Variants in KIRREL3 observed in about 807,000 individuals in gnomAD.
KIRREL3 encodes the protein kirre like nephrin family adhesion molecule 3, also known as kin of IRRE-like protein 3.
KIRREL3 carries 36 observed loss-of-function variants against 89.7 expected under a neutral mutation model. The ratio of observed to expected loss-of-function variants is 0.40; its 90% CI spans 0.31 to 0.53. KIRREL3 has a LOEUF of 0.53. Ranked by LOEUF, KIRREL3 falls within the 20% of genes least tolerant of loss-of-function variation. The pLI, the probability that KIRREL3 is intolerant of heterozygous loss-of-function variation, is 0.49. For missense variants in KIRREL3, 864 were observed against 1,056.6 expected, an observed-to-expected ratio of 0.82 and a Z score of 2.53; for synonymous variants, 445 against 441.4, an observed-to-expected ratio of 1.01 and a Z score of -0.10.
At chr11:126,573,511 T>A (rs1941086858) in intron 1 of KIRREL3, among the ~76,000 whole-genome samples, 2 of 145,554 alleles carry the variant, frequency 1.4e-5, no homozygotes, top group Admixed American at 6.8e-5. Context: ...GCGGTGGGGT[T>A]AGGAGAGGAC....
rs912547769 is a variant in KIRREL3 at position 126,906,881 on chromosome 11, C to T, written c.55+93574G>A. ...GAAGTCAGAGTGGCTTGGCTGAGCCCTACATTTTCTTTTTCTGTGTAATTC... is the reference window on the plus strand; with the variant it reads ...GAAGTCAGAGTGGCTTGGCTGAGCCTTACATTTTCTTTTTCTGTGTAATTC... On this transcript the variant is annotated intron_variant, in intron 1 of 16. Transcript: ENST00000525144. This position sits in a 1 kb window ranked among gnomAD's most constrained non-coding sequence, Gnocchi z 4.1. 3.3e-5 allele frequency among the ~76,000 whole-genome samples: 5 copies of T among 152,172 alleles called. No homozygotes were observed. Among genetic ancestry groups the T allele is most frequent in the African/African-American group, 1.2e-4 (5 of 41,418 alleles).
rs1949824859 is a variant in KIRREL3, at chr11:126,766,380, G to A, written c.56-203468C>T. Reference sequence around the variant, plus strand: ...CTCCTACGCGGAGAAGAAAAAACTTGGGGAGAGAGGGGTAGAGTTAGAATC... The same window carrying A: ...CTCCTACGCGGAGAAGAAAAAACTTAGGGAGAGAGGGGTAGAGTTAGAATC... On this transcript the variant is annotated intron_variant, in intron 1 of 16. Coordinates refer to ENST00000525144, the MANE Select transcript of KIRREL3 (RefSeq NM_032531.4). This position sits in a 1 kb window ranked among gnomAD's most constrained non-coding sequence, Gnocchi z 4.2. 6.6e-6 allele frequency among the ~76,000 whole-genome samples: 1 copy of A among 152,060 alleles called. No individual in the cohort carries two copies. Among genetic ancestry groups the A allele is most frequent in the Non-Finnish European group, 1.5e-5 (1 of 68,016 alleles).
intron 1 of KIRREL3, among the ~76,000 whole-genome samples, chr11:126,952,394 A>AG (rs1948798715): frequency 6.6e-6 from 1 of 152,104 alleles, no homozygotes; most frequent in Admixed American, 6.5e-5. Context: ...AAAAAAAAAA[A>AG]GAATATTCAT....
intron 1 of KIRREL3, chr11:126,934,894 A>C (rs1455925893): frequency 6.6e-6 from 1 of 152,202 alleles, no homozygotes; most frequent in Non-Finnish European, 1.5e-5. Flanking sequence ...CCCTGTGTCT[A>C]CTAAAAATAC....
chr11:126,480,525 G>T (rs1238900878), intron 4 of KIRREL3, among the ~76,000 whole-genome samples: 1 of 152,180 alleles, frequency 6.6e-6, no homozygotes, highest in African/African-American at 2.4e-5. Context: ...GGTGAAGTTG[G>T]AATTTAGACT....
rs1214160701 is a variant in KIRREL3, at chr11:126,976,231, G to A, written c.55+24224C>T. 6.6e-6 allele frequency among the ~76,000 whole-genome samples: 1 copy of A among 152,064 alleles called. No individual in the cohort carries two copies. Among genetic ancestry groups the A allele is most frequent in the African/African-American group, 2.4e-5 (1 of 41,400 alleles). On this transcript the variant is annotated intron_variant, in intron 1 of 16. Coordinates refer to ENST00000525144, the MANE Select transcript of KIRREL3 (RefSeq NM_032531.4). The surrounding 1 kb of genome is among the most constrained non-coding windows in gnomAD (Gnocchi z 4.2). ...CAATATACCTGACAGAGGAAAATTT[G>A]TTTATCAAATTTGTGAATAACACAA... is the stretch of plus-strand genomic sequence containing the variant.
In KIRREL3 at chr11:126,725,850, T is replaced by C. The variant is rs992474003; in HGVS notation, c.56-162938A>G. On this transcript the variant is annotated intron_variant, in intron 1 of 16. Transcript: ENST00000525144. ...TCACTGAGGGACTTTGTCAAGTTGC[T>C]TCCCCTCGCTGAGTCTCAGTTTCCT... Among the ~76,000 whole-genome samples the C allele has an allele frequency of 1.5e-4, 23 of 152,336 alleles. No homozygotes were observed. In the East Asian group the frequency reaches 4.2e-3, roughly 28 times the overall value.
chr11:126,495,669 T>G lies in KIRREL3; in HGVS notation c.434-22203A>C, dbSNP rs1383072512. Among the ~76,000 whole-genome samples, 1 of 152,076 alleles carries G rather than the reference T, an allele frequency of 6.6e-6. No individual in the cohort carries two copies. ...ACCAGGTATAAGCAGAAACTTATGG[T>G]CACAGTCAGGACCATGGAGGAGGAG... On this transcript the variant is annotated intron_variant, in intron 4 of 16. Transcript: ENST00000525144. This position sits in a 1 kb window ranked among gnomAD's most constrained non-coding sequence, Gnocchi z 6.5.
At position 126,495,309 on chromosome 11, in the gene KIRREL3, C is replaced by A. The variant is rs1043875119; in HGVS notation, c.434-21843G>T. Among the ~76,000 whole-genome samples, 2 of 152,148 alleles carry A rather than the reference C, an allele frequency of 1.3e-5. No homozygotes were observed. The highest frequency in any genetic ancestry group is 1.5e-5 in the Non-Finnish European group (1 of 68,028). Reference sequence around the variant, plus strand: ...AGCTTGACTTCCGGGCCCTCTGTACCCTGGCCCAAGCCTCTCTTGCCCTCT... The same window carrying A: ...AGCTTGACTTCCGGGCCCTCTGTACACTGGCCCAAGCCTCTCTTGCCCTCT... On this transcript the variant is annotated intron_variant, in intron 4 of 16. Coordinates refer to ENST00000525144, the MANE Select transcript of KIRREL3 (RefSeq NM_032531.4). The surrounding 1 kb of genome is among the most constrained non-coding windows in gnomAD (Gnocchi z 6.5).
In KIRREL3 at chr11:126,708,605, C is replaced by T. The variant is rs1175907081; in HGVS notation, c.56-145693G>A. Among the ~76,000 whole-genome samples the T allele has an allele frequency of 6.6e-6, 1 of 152,136 alleles. No individual in the cohort carries two copies. The highest frequency in any genetic ancestry group is 1.5e-5 in the Non-Finnish European group (1 of 68,022). Reference sequence around the variant, plus strand: ...GGGGTGGGGAAGGAAGGAGGGCGTTCGGCTCAACGTCCAGGAGAGGCACCG... The same window carrying T: ...GGGGTGGGGAAGGAAGGAGGGCGTTTGGCTCAACGTCCAGGAGAGGCACCG... On this transcript the variant is annotated intron_variant, in intron 1 of 16. Transcript: ENST00000525144. This position sits in a 1 kb window ranked among gnomAD's most constrained non-coding sequence, Gnocchi z 5.7.
chr11:126,974,648 A>G (rs1949519519), intron 1 of KIRREL3, among the ~76,000 whole-genome samples: 1 of 149,644 alleles, frequency 6.7e-6, no homozygotes, highest in African/African-American at 2.5e-5. Flanking sequence ...GCTACATGGT[A>G]TAGCCTGTTA....
intron 1 of KIRREL3, among the ~76,000 whole-genome samples, chr11:126,618,006 T>A (rs1038766495): frequency 6.6e-6 from 1 of 152,198 alleles, no homozygotes; most frequent in African/African-American, 2.4e-5. Flanking sequence ...GGTGATTGGA[T>A]AATGTGGTTG....
intron 1 of KIRREL3, among the ~76,000 whole-genome samples, chr11:126,947,332 T>A (rs991940903): frequency 2.0e-5 from 3 of 152,190 alleles, no homozygotes; most frequent in African/African-American, 7.2e-5. Flanking sequence ...ATCTGTGAAT[T>A]GGCTAAGCTG....
At chr11:126,435,105 C>T (rs1338509865) in intron 13 of KIRREL3, among the ~76,000 whole-genome samples, 163 bp downstream of exon 13, 1 of 152,016 alleles carries the variant, frequency 6.6e-6, no homozygotes, top group Non-Finnish European at 1.5e-5. Context: ...GCTGGGACCT[C>T]CTCTCCCCAC....
chr11:126,599,260 C>G (rs1183066809), intron 1 of KIRREL3, among the ~76,000 whole-genome samples: 1 of 152,176 alleles, frequency 6.6e-6, no homozygotes, highest in Non-Finnish European at 1.5e-5. Context: ...GTCTGCACAC[C>G]CAATTTCCAC....
rs751897358 is a variant in KIRREL3 at position 126,578,246 on chromosome 11, C to T, written c.56-15334G>A. ...GGATGTTTCGGTCCTGGGATGCTTGCAGCCCAGGAAATGCTCCCTCCCTCT... is the reference window on the plus strand; with the variant it reads ...GGATGTTTCGGTCCTGGGATGCTTGTAGCCCAGGAAATGCTCCCTCCCTCT... On this transcript the variant is annotated intron_variant, in intron 1 of 16. Transcript: ENST00000525144. This position sits in a 1 kb window ranked among gnomAD's most constrained non-coding sequence, Gnocchi z 4.9. Among the ~76,000 whole-genome samples the T allele has an allele frequency of 2.6e-5, 4 of 152,186 alleles. No homozygotes were observed. The highest frequency in any genetic ancestry group is 5.9e-5 in the Non-Finnish European group (4 of 68,024).
chr11:126,937,924 C>T (rs920071862), intron 1 of KIRREL3, among the ~76,000 whole-genome samples: 3 of 151,996 alleles, frequency 2.0e-5, no homozygotes, highest in East Asian at 1.9e-4. Context: ...AAAAAAAACC[C>T]ACAGCAGTCA....
chr11:126,804,270 A>G (rs1951133877), intron 1 of KIRREL3, among the ~76,000 whole-genome samples: 1 of 152,220 alleles, frequency 6.6e-6, no homozygotes, highest in Non-Finnish European at 1.5e-5. Context: ...CTTGCTGTCA[A>G]GAATCTCTGA....
chr11:126,699,336 A>C (rs1159473659), intron 1 of KIRREL3, among the ~76,000 whole-genome samples: 2 of 152,234 alleles, frequency 1.3e-5, no homozygotes, highest in Non-Finnish European at 2.9e-5. Flanking sequence ...GACTCACATC[A>C]CAATTCATTC....
Sources: gnomAD v4.1 joint callset for allele counts (sites outside exome capture counted in the v4.1 genomes callset) on GRCh38, gnomAD v4.1.1 for gene constraint, Gnocchi (gnomAD v3.1) non-coding constraint, MANE v1.5 for transcripts, NCBI Gene and HGNC (gene_info 2026-07-23, HGNC 2026-07-21) for gene names.